KLHL22: variants seen among roughly 807,000 people sequenced by gnomAD.
KLHL22 encodes the protein kelch like family member 22.
A neutral mutation model predicts 60.7 loss-of-function variants in KLHL22; 18 were observed. The observed-to-expected ratio is 0.30, with a 90% CI of 0.20 to 0.44. The LOEUF (loss-of-function observed/expected upper bound fraction) is 0.44. Among genes scored for constraint, KLHL22 ranks in the 20% least tolerant of loss-of-function variants. The pLI, the probability that KLHL22 is intolerant of heterozygous loss-of-function variation, is 1.00. For synonymous variants in KLHL22, 355 were observed against 354.5 expected, an observed-to-expected ratio of 1.00 and a Z score of -0.01; for missense variants, 596 against 852.3, an observed-to-expected ratio of 0.70 and a Z score of 3.74.
chr22:20,469,260 C>T (rs1261254506), intron 3 of KLHL22, among the ~76,000 whole-genome samples: 1 of 152,098 alleles, frequency 6.6e-6, no homozygotes, highest in Non-Finnish European at 1.5e-5. Context: ...AGAAGGATGA[C>T]CTGTCCTCAC....
Position 20,465,481 on chromosome 22 carries a change from G to T in KLHL22, c.489C>A (p.Asp163Glu). Reference protein sequence around the residue: ...LDVYRLAELFDLSRLTEQLDT... With the variant: ...LDVYRLAELFELSRLTEQLDT... ...CCAGTTGCTCAGTCAGGCGGCTCAA[G>T]TCAAACAGCTCTGCCAGCCGGTAGA... is the stretch of plus-strand genomic sequence containing the variant. Residue 163 changes from aspartate (D) to glutamate (E), a missense_variant, in exon 4 of 7, where the codon GAC (aspartate) becomes GAA (glutamate). By Grantham distance (45) the Asp-to-Glu change is conservative. Transcript: ENST00000328879. The surrounding 1 kb of genome is among the most constrained non-coding windows in gnomAD (Gnocchi z 4.9). The T allele has an allele frequency of 6.2e-7, 1 of 1,612,868 alleles. No individual in the cohort carries two copies. Among genetic ancestry groups the T allele is most frequent in the South Asian group, 1.1e-5 (1 of 91,046 alleles).
At chr22:20,455,745 T>G (rs1170885532) in intron 5 of KLHL22, among the ~76,000 whole-genome samples, 2 of 152,142 alleles carry the variant, frequency 1.3e-5, no homozygotes, top group African/African-American at 4.8e-5. Flanking sequence ...AAAACACACC[T>G]CCTGGGTGAA....
chr22:20,442,509 C>T (rs2052778052), intron 6 of KLHL22, 71 bp from the exon 7 acceptor site: 4 of 1,495,832 alleles, frequency 2.7e-6, no homozygotes, highest in Non-Finnish European at 2.7e-6. Flanking sequence ...CACAAGCCCA[C>T]TGACCAAGGT....
At chr22:20,472,733 A>AG (rs948593304) in intron 2 of KLHL22, among the ~76,000 whole-genome samples, 3 of 152,146 alleles carry the variant, frequency 2.0e-5, no homozygotes, top group African/African-American at 7.2e-5. Flanking sequence ...CTCAAAAAAC[A>AG]TATATACATA....
Position 20,450,643 on chromosome 22 carries a change from C to G in KLHL22, c.1306-3967G>C. 4 of 1,580,524 alleles carry G rather than the reference C, an allele frequency of 2.5e-6. No individual in the cohort carries two copies. In the South Asian group the frequency reaches 4.4e-5, roughly 17 times the overall value. ...GCATGAAGAGTTCATTCTTCTGAGGCAAGGAGAGGTGGAAAAGCTAATCAA... is the reference window on the plus strand; with the variant it reads ...GCATGAAGAGTTCATTCTTCTGAGGGAAGGAGAGGTGGAAAAGCTAATCAA... On this transcript the variant is annotated intron_variant, in intron 5 of 6. Coordinates refer to ENST00000328879, the MANE Select transcript of KLHL22 (RefSeq NM_032775.4).
chr22:20,494,518 T>C (rs1382309342), intron 1 of KLHL22, among the ~76,000 whole-genome samples: 2 of 152,108 alleles, frequency 1.3e-5, no homozygotes, highest in African/African-American at 4.8e-5. Context: ...GTAGCTGGGA[T>C]TACAAGCACG....
rs1178320941 is a variant in KLHL22, at chr22:20,495,787, C to T, written c.-61G>A. ...GGTGCCGCCGCCAGCCGAGGCCGCACTCGCAGCTGGAGGGAGGCGGGAGGC... is the reference window on the plus strand; with the variant it reads ...GGTGCCGCCGCCAGCCGAGGCCGCATTCGCAGCTGGAGGGAGGCGGGAGGC... On this transcript the variant is annotated 5_prime_UTR_variant, in exon 1 of 7. The change creates a new upstream start codon in the 5' untranslated region. Transcript: ENST00000328879. This position sits in a 1 kb window ranked among gnomAD's most constrained non-coding sequence, Gnocchi z 4.6. 1 of 151,466 alleles carries T rather than the reference C, an allele frequency of 6.6e-6. No individual in the cohort carries two copies. The highest frequency in any genetic ancestry group is 1.5e-5 in the Non-Finnish European group (1 of 67,704). 9.4% of individuals were successfully genotyped at this position (151,466 alleles called of 1,614,324 possible). A position where few individuals can be genotyped will look rare whatever the true frequency, so the allele number is the denominator to read the frequency against.
rs377651343 is a variant in KLHL22 at position 20,464,448 on chromosome 22, A to G, written c.1112+410T>C. Among the ~76,000 whole-genome samples the G allele has an allele frequency of 1.8e-4, 28 of 152,320 alleles. No homozygotes were observed. The East Asian group carries it at 2.5e-3, about 14-fold the overall frequency. On this transcript the variant is annotated intron_variant, in intron 4 of 6. Coordinates refer to ENST00000328879, the MANE Select transcript of KLHL22 (RefSeq NM_032775.4). The stretch of plus-strand genomic sequence containing the variant: ...GTGAAGGGAAACTGAAACAACATGC[A>G]TCAAAGCTCAGAGAGAGCATGATGG...
intron 2 of KLHL22, chr22:20,482,984 G>A (rs1171365933): frequency 2.7e-6 from 2 of 730,756 alleles, no homozygotes; most frequent in Non-Finnish European, 4.9e-6. Context: ...GGTGATCTTA[G>A]CCTCCAGCTT....
At chr22:20,472,908 C>G (rs762062322) in intron 2 of KLHL22, among the ~76,000 whole-genome samples, 1 of 151,988 alleles carries the variant, frequency 6.6e-6, no homozygotes, top group Non-Finnish European at 1.5e-5. Context: ...GAGGGAGTTC[C>G]AGGTGAAGGA....
chr22:20,483,338 C>G (rs952650454), intron 2 of KLHL22: 4 of 733,454 alleles, frequency 5.5e-6, no homozygotes, highest in African/African-American at 3.4e-5. Flanking sequence ...GCCAGCTCAT[C>G]ATATTGAGCC....
chr22:20,477,361 G>T (rs2053431616), intron 2 of KLHL22, among the ~76,000 whole-genome samples: 1 of 151,672 alleles, frequency 6.6e-6, no homozygotes, highest in Non-Finnish European at 1.5e-5. Flanking sequence ...ACTACTCTGT[G>T]ACAGAGCAAC....
At chr22:20,486,247 C>T (rs1386850316) in intron 2 of KLHL22, among the ~76,000 whole-genome samples, 2 of 152,008 alleles carry the variant, frequency 1.3e-5, no homozygotes, top group African/African-American at 4.8e-5. Context: ...ATTCAGCCTC[C>T]CTCTCCCTTT....
intron 2 of KLHL22, among the ~76,000 whole-genome samples, chr22:20,480,457 C>A (rs1394471932): frequency 6.6e-6 from 1 of 152,174 alleles, no homozygotes; most frequent in Non-Finnish European, 1.5e-5. Flanking sequence ...TGAGGGCCAT[C>A]TCTACTGCTG....
In KLHL22 at chr22:20,446,430, G is replaced by A. The variant is rs376177760; in HGVS notation, c.1539+13C>T. ...AATGATGACGGGTGTGGACTGCCCC[G>A]GGCCCCACTCACCTGGTGCACGTCC... On this transcript the variant is annotated intron_variant, in intron 6 of 6. Transcript: ENST00000328879. 717 of 1,507,836 alleles carry A rather than the reference G, an allele frequency of 4.8e-4. 1 individual carries two copies. The highest frequency in any genetic ancestry group is 2.1e-3 in the South Asian group (184 of 87,964). The allele number at this position is 1,507,836 out of a possible 1,614,324, so 93.4% of individuals were successfully genotyped here. A position where few individuals can be genotyped will look rare whatever the true frequency, so the allele number is the denominator to read the frequency against.
chr22:20,451,616 G>C lies in KLHL22; in HGVS notation c.1306-4940C>G, dbSNP rs113209427. 5.6e-5 allele frequency: 90 copies of C among 1,602,006 alleles called. 2 individuals are homozygous for C. In the African/African-American group the frequency reaches 5.8e-4, roughly 10 times the overall value. ...GCATACAACATTCGCACTGATTCCC[G>C]GACAACTGCCACCAGTATGACCACT... On this transcript the variant is annotated intron_variant, in intron 5 of 6. Coordinates refer to ENST00000328879, the MANE Select transcript of KLHL22 (RefSeq NM_032775.4).
intron 2 of KLHL22, among the ~76,000 whole-genome samples, chr22:20,473,291 G>C (rs1190751809): frequency 6.6e-6 from 1 of 152,128 alleles, no homozygotes; most frequent in African/African-American, 2.4e-5. Flanking sequence ...CTGACAGACT[G>C]AATCTAGGAG....
intron 2 of KLHL22, among the ~76,000 whole-genome samples, chr22:20,487,369 C>G (rs548799078): frequency 4.8e-5 from 7 of 146,920 alleles, no homozygotes; most frequent in African/African-American, 1.8e-4. Flanking sequence ...AGGCGCCCAC[C>G]ACTACACCCA....
chr22:20,483,394 T>C, intron 2 of KLHL22: 1 of 814,164 alleles, frequency 1.2e-6, no homozygotes, highest in South Asian at 1.3e-5. Flanking sequence ...TTTGGGGGCA[T>C]CTACCTCCAC....
Sources: gnomAD v4.1 joint callset for allele counts (sites outside exome capture counted in the v4.1 genomes callset) on GRCh38, gnomAD v4.1.1 for gene constraint, Gnocchi (gnomAD v3.1) non-coding constraint, MANE v1.5 for transcripts, NCBI Gene and HGNC (gene_info 2026-07-23, HGNC 2026-07-21) for gene names.